The following DACH1 variants were observed in gnomAD, a reference collection of about 807,000 sequenced individuals.
DACH1 encodes dachshund family transcription factor 1, also known as dachshund homolog 1.
A neutral mutation model predicts 54.2 loss-of-function variants in DACH1; 12 were observed. The ratio of observed to expected loss-of-function variants is 0.22; its 90% CI spans 0.14 to 0.36. The LOEUF (loss-of-function observed/expected upper bound fraction) is 0.36, where lower values mean the gene tolerates loss of function less well. Ranked by LOEUF, DACH1 falls within the 10% of genes least tolerant of loss-of-function variation. DACH1 has a pLI of 1.00. For synonymous variants in DACH1, 386 were observed against 366.2 expected (o/e 1.05, Z -0.62); for missense variants, 805 against 929.8 (o/e 0.87, Z 1.75).
chr13:71,527,497 T>G (rs1882070888), intron 6 of DACH1, among the ~76,000 whole-genome samples: 5 of 152,166 alleles, frequency 3.3e-5, no homozygotes, highest in Admixed American at 3.3e-4. Flanking sequence ...GAGGATGCCA[T>G]AGTAAATCAA....
At chr13:71,692,079 G>A (rs2138725473) in intron 1 of DACH1, among the ~76,000 whole-genome samples, 1 of 151,530 alleles carries the variant, frequency 6.6e-6, no homozygotes, top group Non-Finnish European at 1.5e-5. Flanking sequence ...AATGAAGGCT[G>A]AAGTACTCAA....
chr13:71,753,222 A>T (rs1160134046), intron 1 of DACH1, among the ~76,000 whole-genome samples: 3 of 152,288 alleles, frequency 2.0e-5, no homozygotes, highest in East Asian at 3.9e-4. Flanking sequence ...GGCACTAGGG[A>T]TGTGACAGCA....
rs57190375 is a variant in DACH1, at chr13:71,519,883, GTATA to G, written c.1571-30739_1571-30736del. 1.7e-3 allele frequency among the ~76,000 whole-genome samples: 50 copies of G among 29,352 alleles called. 6 individuals carry two copies. The highest frequency in any genetic ancestry group is 6.8e-3 in the South Asian group (3 of 438). The allele number at this position is 29,352 out of a possible 152,430, so 19.3% of individuals were successfully genotyped here. On this transcript the variant is annotated intron_variant, in intron 6 of 10. Transcript: ENST00000613252. The stretch of plus-strand genomic sequence containing the variant: ...AGATGTTTGTGTCCAAACCAAAGTA[GTATA>G]TATATATATATATATATATATCCTA...
chr13:71,812,744 G>A (rs577226115), intron 1 of DACH1, among the ~76,000 whole-genome samples: 2 of 148,992 alleles, frequency 1.3e-5, no homozygotes, highest in African/African-American at 4.9e-5. Context: ...AATAAGAAGA[G>A]GCTAATGTTG....
chr13:71,757,730 C>T (rs1038486497), intron 1 of DACH1, among the ~76,000 whole-genome samples: 9 of 151,980 alleles, frequency 5.9e-5, no homozygotes, highest in African/African-American at 2.2e-4. Flanking sequence ...ACCATGTTGG[C>T]CAGGCTGATC....
chr13:71,495,139 T>C (rs1190506055), intron 6 of DACH1, among the ~76,000 whole-genome samples: 4 of 152,074 alleles, frequency 2.6e-5, no homozygotes, highest in East Asian at 1.9e-4. Flanking sequence ...AGAAAAACAC[T>C]CAATCACTTC....
intron 2 of DACH1, among the ~76,000 whole-genome samples, chr13:71,671,691 G>A (rs1406556284): frequency 3.3e-5 from 5 of 152,082 alleles, no homozygotes; most frequent in Non-Finnish European, 4.4e-5. Flanking sequence ...CAAAAAAATC[G>A]TATTGTTTTG....
intron 1 of DACH1, among the ~76,000 whole-genome samples, chr13:71,711,718 A>C (rs1314237140): frequency 3.9e-5 from 6 of 152,124 alleles, no homozygotes; most frequent in Non-Finnish European, 8.8e-5. Flanking sequence ...TTGTCATTTC[A>C]GTGTGATAAT....
intron 3 of DACH1, among the ~76,000 whole-genome samples, chr13:71,586,208 T>C (rs1018010461): frequency 6.6e-6 from 1 of 152,178 alleles, no homozygotes; most frequent in African/African-American, 2.4e-5. Context: ...AATGTGGAGT[T>C]CTTATTAGAA....
intron 10 of DACH1, among the ~76,000 whole-genome samples, chr13:71,464,094 C>T (rs1352033604): frequency 6.6e-6 from 1 of 151,766 alleles, no homozygotes; most frequent in African/African-American, 2.4e-5. Flanking sequence ...TTTCTTTTAA[C>T]CAGCTAAAAT....
At chr13:71,616,322 A>T (rs1486328618) in intron 3 of DACH1, among the ~76,000 whole-genome samples, 1 of 152,224 alleles carries the variant, frequency 6.6e-6, no homozygotes, top group Admixed American at 6.5e-5. Context: ...GGCATGAAGG[A>T]CAGGTATGCA....
intron 1 of DACH1, among the ~76,000 whole-genome samples, chr13:71,720,894 A>G (rs963380215): frequency 3.9e-5 from 6 of 152,170 alleles, no homozygotes; most frequent in Non-Finnish European, 8.8e-5. Context: ...GATTGTTCCT[A>G]CACCCAGATA....
intron 1 of DACH1, among the ~76,000 whole-genome samples, chr13:71,731,290 CTTTTTTTTT>C (rs1201969481): frequency 7.6e-6 from 1 of 131,064 alleles, no homozygotes; most frequent in Admixed American, 7.7e-5. Flanking sequence ...TCTTGATCTT[CTTTTTTTTT>C]TTTTTTTTTG....
intron 4 of DACH1, among the ~76,000 whole-genome samples, chr13:71,568,257 T>C (rs1885008226): frequency 6.6e-6 from 1 of 152,058 alleles, no homozygotes; most frequent in Admixed American, 6.6e-5. Flanking sequence ...CAGAATTTTA[T>C]GTCAGAAAGG....
intron 8 of DACH1, 118 bp from the exon 9 acceptor site, chr13:71,475,967 T>C: frequency 4.0e-6 from 3 of 740,818 alleles, no homozygotes; most frequent in Non-Finnish European, 5.7e-6. Flanking sequence ...GAACTGAGTC[T>C]ACCTATAAAA....
chr13:71,464,597 A>G (rs1005373224), intron 10 of DACH1: 1 of 443,228 alleles, frequency 2.3e-6, no homozygotes, highest in African/African-American at 2.0e-5. Flanking sequence ...ATACATGCAA[A>G]TTATGCAAAT....
intron 1 of DACH1, among the ~76,000 whole-genome samples, chr13:71,853,862 A>G (rs1368665552): frequency 6.6e-6 from 1 of 152,196 alleles, no homozygotes; most frequent in Non-Finnish European, 1.5e-5. Context: ...ATCCTAATCT[A>G]GCATCTGTCA....
intron 1 of DACH1, among the ~76,000 whole-genome samples, chr13:71,770,346 G>A (rs963581499): frequency 2.6e-5 from 4 of 151,470 alleles, no homozygotes; most frequent in Non-Finnish European, 4.4e-5. Context: ...GTAAGTTAAC[G>A]GTATTTAAAA....
intron 7 of DACH1, among the ~76,000 whole-genome samples, chr13:71,487,655 A>C (rs1878648987): frequency 6.6e-6 from 1 of 152,214 alleles, no homozygotes; most frequent in Non-Finnish European, 1.5e-5. Flanking sequence ...AATTGAAATT[A>C]AATCCTCACT....
Sources: allele counts gnomAD v4.1 joint callset (sites outside exome capture counted in the v4.1 genomes callset), GRCh38; gene constraint gnomAD v4.1.1; transcripts MANE v1.5; gene names NCBI Gene and HGNC (gene_info 2026-07-23, HGNC 2026-07-21).